KHDRBS2: variants seen among roughly 807,000 people sequenced by gnomAD.
The protein encoded by KHDRBS2 is KH domain-containing, RNA-binding, signal transduction-associated protein 2.
In KHDRBS2, 26 loss-of-function variants were observed where a neutral mutation model predicts 44.3. That is an observed-to-expected ratio of 0.59 (90% CI 0.43 to 0.81). The LOEUF (loss-of-function observed/expected upper bound fraction) is 0.81, where lower values mean the gene tolerates loss of function less well. Ranked by LOEUF, KHDRBS2 falls within the 40% of genes least tolerant of loss-of-function variation. KHDRBS2 has a pLI of 0.00. For synonymous variants in KHDRBS2, 194 were observed against 151.1 expected (o/e 1.28, Z -2.08); for missense variants, 476 against 433.1 (o/e 1.10, Z -0.88).
chr6:62,017,010 AATCT>A (rs1259774454), intron 3 of KHDRBS2, among the ~76,000 whole-genome samples: 2 of 152,202 alleles, frequency 1.3e-5, no homozygotes, highest in Non-Finnish European at 2.9e-5. Flanking sequence ...TGGTAGAATC[AATCT>A]GTTTTTCTTT....
intron 4 of KHDRBS2, among the ~76,000 whole-genome samples, chr6:61,946,885 C>T (rs1436280647): frequency 6.6e-6 from 1 of 152,128 alleles, no homozygotes; most frequent in Non-Finnish European, 1.5e-5. Flanking sequence ...TCAGATACTC[C>T]ATCTAAGTCA....
At chr6:62,269,496 A>T (rs1356434206) in intron 1 of KHDRBS2, among the ~76,000 whole-genome samples, 2 of 152,098 alleles carry the variant, frequency 1.3e-5, no homozygotes, top group Non-Finnish European at 2.9e-5. Context: ...GCTCTTCAAT[A>T]TTAATATTCA....
At chr6:62,123,549 T>C (rs1474179736) in intron 2 of KHDRBS2, among the ~76,000 whole-genome samples, 1 of 152,246 alleles carries the variant, frequency 6.6e-6, no homozygotes, top group Non-Finnish European at 1.5e-5. Context: ...CCTTTAATCC[T>C]GCCTACTGTT....
chr6:62,179,148 T>C (rs1225191726), intron 1 of KHDRBS2, among the ~76,000 whole-genome samples: 3 of 151,620 alleles, frequency 2.0e-5, no homozygotes, highest in Non-Finnish European at 3.0e-5. Flanking sequence ...GTGTGGAATT[T>C]AAAAGAATTA....
intron 4 of KHDRBS2, among the ~76,000 whole-genome samples, chr6:61,928,206 C>CA (rs1809336757): frequency 1.3e-5 from 2 of 152,088 alleles, no homozygotes; most frequent in Non-Finnish European, 2.9e-5. Context: ...ATTGCCTATT[C>CA]AAATGCAGCA....
intron 4 of KHDRBS2, among the ~76,000 whole-genome samples, chr6:61,934,322 T>C (rs1309531025): frequency 6.6e-6 from 1 of 152,188 alleles, no homozygotes; most frequent in Non-Finnish European, 1.5e-5. Flanking sequence ...CATTCGTCTG[T>C]TTTTGCTTTT....
intron 6 of KHDRBS2, among the ~76,000 whole-genome samples, chr6:61,874,074 T>A (rs1799051761): frequency 6.6e-6 from 1 of 152,122 alleles, no homozygotes; most frequent in South Asian, 2.1e-4. Flanking sequence ...TGAAAGCTAC[T>A]GTTTAGCTAA....
At chr6:62,278,307 T>C (rs1167020384) in intron 1 of KHDRBS2, among the ~76,000 whole-genome samples, 1 of 152,152 alleles carries the variant, frequency 6.6e-6, no homozygotes, top group Non-Finnish European at 1.5e-5. Context: ...TTCTAAAAAC[T>C]ACCTCCAAAC....
At chr6:62,187,682 C>T (rs1207173162) in intron 1 of KHDRBS2, among the ~76,000 whole-genome samples, 2 of 151,846 alleles carry the variant, frequency 1.3e-5, no homozygotes, top group Non-Finnish European at 2.9e-5. Flanking sequence ...TGTGTGTGTG[C>T]TATGGTTTGG....
At position 62,028,712 on chromosome 6, in the gene KHDRBS2, A is replaced by G. The variant is rs76055358; in HGVS notation, c.336+19166T>C. ...TTGTTTGCATGTGGATATGTGTGTG[A>G]ACTATCACAACTAGCAAAACTCATT... On this transcript the variant is annotated intron_variant, in intron 3 of 8. Transcript: ENST00000281156. Among the ~76,000 whole-genome samples the G allele has an allele frequency of 4.7e-3, 712 of 150,398 alleles. 6 individuals are homozygous for G. Among genetic ancestry groups the G allele is most frequent in the African/African-American group, 0.016 (651 of 41,416 alleles).
intron 6 of KHDRBS2, among the ~76,000 whole-genome samples, chr6:61,866,354 A>G (rs1462976958): frequency 1.3e-5 from 2 of 151,986 alleles, no homozygotes; most frequent in Non-Finnish European, 2.9e-5. Context: ...AGGCTTGCAC[A>G]CTCTGAGGCC....
At chr6:61,678,315 C>G (rs1361039250), downstream of KHDRBS2, among the ~76,000 whole-genome samples, 2 of 151,950 alleles carry the variant, frequency 1.3e-5, no homozygotes, top group South Asian at 2.1e-4. Flanking sequence ...TGTACGGAAA[C>G]CAAGTCTCAA....
chr6:61,690,892 C>G (rs1198156228), intron 8 of KHDRBS2, among the ~76,000 whole-genome samples: 1 of 151,954 alleles, frequency 6.6e-6, no homozygotes, highest in East Asian at 1.9e-4. Flanking sequence ...AGATAATTAT[C>G]AAAAAATGGA....
At chr6:61,866,691 T>G (rs1376885706) in intron 6 of KHDRBS2, among the ~76,000 whole-genome samples, 1 of 152,202 alleles carries the variant, frequency 6.6e-6, no homozygotes, top group Non-Finnish European at 1.5e-5. Flanking sequence ...TCTGAATGCC[T>G]TTAACAGCAC....
At chr6:61,910,656 C>T (rs2127350839) in intron 4 of KHDRBS2, among the ~76,000 whole-genome samples, 1 of 152,230 alleles carries the variant, frequency 6.6e-6, no homozygotes, top group African/African-American at 2.4e-5. Context: ...ACTTTGGCCA[C>T]ACAAGGTTTT....
At chr6:61,573,657 T>C in the KHDRBS2 span, among the ~76,000 whole-genome samples, 622 of 152,102 alleles carry the variant, frequency 4.1e-3, 2 homozygotes, top group African/African-American at 0.014. Flanking sequence ...GCTGTGGTGA[T>C]GCATGCCTGC....
the KHDRBS2 span, among the ~76,000 whole-genome samples, chr6:61,602,771 C>A: frequency 1.3e-5 from 2 of 152,116 alleles, no homozygotes; most frequent in Non-Finnish European, 2.9e-5. Context: ...GGCTTCTAAA[C>A]CTCTTAAAAC....
chr6:61,633,118 A>T, the KHDRBS2 span, among the ~76,000 whole-genome samples: 125,509 of 151,910 alleles, frequency 0.83, 52,107 homozygotes, highest in Non-Finnish European at 0.87. Flanking sequence ...ACCACAGGTA[A>T]TTTAGTGTTT....
At chr6:62,031,890 G>C (rs955146851) in intron 3 of KHDRBS2, among the ~76,000 whole-genome samples, 1 of 152,020 alleles carries the variant, frequency 6.6e-6, no homozygotes, top group African/African-American at 2.4e-5. Flanking sequence ...AACAAACATA[G>C]GCAGTAGCCA....
Sources: allele counts gnomAD v4.1 joint callset (sites outside exome capture counted in the v4.1 genomes callset), GRCh38; gene constraint gnomAD v4.1.1; transcripts MANE v1.5; gene names NCBI Gene and HGNC (gene_info 2026-07-23, HGNC 2026-07-21).